Variants in LTBP1 observed in about 807,000 individuals in gnomAD.
LTBP1 encodes the protein latent transforming growth factor beta binding protein 1.
Under a neutral mutation model 207.6 loss-of-function variants are expected in LTBP1, and 129 were observed. The ratio of observed to expected loss-of-function variants is 0.62; its 90% confidence interval spans 0.54 to 0.72. The LOEUF is 0.72. Ranked by LOEUF, LTBP1 falls within the 30% of genes least tolerant of loss-of-function variation. LTBP1 has a pLI of 0.00. For missense variants in LTBP1, 2,281 were observed against 2,217.2 expected (o/e 1.03, Z -0.58); for synonymous variants, 963 against 833.7 (o/e 1.16, Z -2.67).
At chr2:33,389,085 A>G in intron 31 of LTBP1, 99 bp from the exon 32 acceptor site, 3 of 1,523,494 alleles carry the variant, frequency 2.0e-6, no homozygotes, top group Non-Finnish European at 2.7e-6. Flanking sequence ...CACACGTGGA[A>G]GGGTGTGCTG....
intron 3 of LTBP1, among the ~76,000 whole-genome samples, chr2:33,055,829 GA>G (rs2076968374): frequency 6.6e-6 from 1 of 152,170 alleles, no homozygotes; most frequent in African/African-American, 2.4e-5. Context: ...GCTTGAAGGG[GA>G]CATAACCCAT....
intron 24 of LTBP1, among the ~76,000 whole-genome samples, chr2:33,318,406 G>T (rs971834705): frequency 3.9e-5 from 6 of 152,012 alleles, no homozygotes; most frequent in Non-Finnish European, 7.4e-5. Context: ...CTTGTTCCAA[G>T]GGTAAAACAT....
intron 31 of LTBP1, among the ~76,000 whole-genome samples, chr2:33,375,221 C>T (rs2095122207): frequency 1.3e-5 from 2 of 152,160 alleles, no homozygotes; most frequent in African/African-American, 2.4e-5. Context: ...GAGGATTGGC[C>T]TACAGTAAAT....
chr2:33,145,588 C>G (rs1162783564), intron 5 of LTBP1, among the ~76,000 whole-genome samples: 3 of 152,186 alleles, frequency 2.0e-5, no homozygotes, highest in Non-Finnish European at 4.4e-5. Flanking sequence ...TTGTCCTTTT[C>G]TGAAGAAAGG....
intron 4 of LTBP1, among the ~76,000 whole-genome samples, chr2:33,113,054 G>A (rs536393893): frequency 2.0e-5 from 3 of 152,306 alleles, no homozygotes; most frequent in Non-Finnish European, 4.4e-5. Flanking sequence ...GTATCTTGGA[G>A]TGAAATTGAA....
chr2:33,300,514 C>T lies in LTBP1; in HGVS notation c.3299C>T (p.Ser1100Phe). ...GGGCAGTGCAAAAATACCGAGGGCT[C>T]CTTCAGGTGCACCTGTGGACAGGGG... is the stretch of plus-strand genomic sequence containing the variant. ...VNGQCKNTEG[S>F]FRCTCGQGYQ... Residue 1100 changes from serine (S) to phenylalanine (F), a missense_variant, in exon 21 of 34, where the codon TCC becomes TTC. By Grantham distance (155) the Ser-to-Phe change is radical. This residue lies in a region of LTBP1 where 1,671 missense variants were observed against 1,634.8 expected (regional missense o/e 1.02). Transcript: ENST00000404816. 5.6e-6 allele frequency: 9 copies of T among 1,613,818 alleles called. 1 individual carries two copies. In the Middle Eastern group the frequency reaches 4.9e-4, roughly 89 times the overall value.
chr2:33,300,684 A>G, intron 21 of LTBP1, 111 bp downstream of exon 21: 1 of 1,108,884 alleles, frequency 9.0e-7, no homozygotes, highest in Non-Finnish European at 1.2e-6. Context: ...AGATAATTGC[A>G]TTATAGTGCC....
At chr2:33,356,997 A>T (rs2149965062) in intron 26 of LTBP1, among the ~76,000 whole-genome samples, 1 of 152,314 alleles carries the variant, frequency 6.6e-6, no homozygotes, top group South Asian at 2.1e-4. Context: ...ACTGTTAGGA[A>T]AAGGTACAGA....
intron 4 of LTBP1, among the ~76,000 whole-genome samples, chr2:33,116,874 G>A (rs183857533): frequency 3.9e-5 from 6 of 152,030 alleles, no homozygotes; most frequent in Admixed American, 1.3e-4. Context: ...ATAAGCAACC[G>A]TAGAAGTGAA....
intron 25 of LTBP1, among the ~76,000 whole-genome samples, chr2:33,346,711 G>A (rs1553511730): frequency 6.6e-6 from 1 of 151,738 alleles, no homozygotes; most frequent in Non-Finnish European, 1.5e-5. Context: ...TGAGAGTAGA[G>A]TGTTGCGTCA....
intron 3 of LTBP1, among the ~76,000 whole-genome samples, chr2:33,070,376 T>C (rs2077728434): frequency 6.6e-6 from 1 of 152,204 alleles, no homozygotes; most frequent in African/African-American, 2.4e-5. Flanking sequence ...CCGTCTGGGA[T>C]GGCGAAACCT....
intron 15 of LTBP1, among the ~76,000 whole-genome samples, chr2:33,268,640 T>TG (rs2093244145): frequency 6.6e-6 from 1 of 152,242 alleles, no homozygotes; most frequent in Admixed American, 6.5e-5. Flanking sequence ...TTTAGCATAG[T>TG]GTCTTAATAG....
chr2:33,193,062 A>T (rs1269221338), intron 7 of LTBP1, among the ~76,000 whole-genome samples: 1 of 152,214 alleles, frequency 6.6e-6, no homozygotes, highest in African/African-American at 2.4e-5. Context: ...AGGAAATGTC[A>T]TTAGATGATA....
At chr2:33,343,002 C>T (rs377336097) in intron 25 of LTBP1, 39 bp downstream of exon 25, 22 of 1,585,270 alleles carry the variant, frequency 1.4e-5, no homozygotes, top group Middle Eastern at 1.7e-4. Flanking sequence ...TTTCACATGT[C>T]CCTAGGGAAA....
At chr2:32,965,018 G>A (rs1025974715) in intron 2 of LTBP1, among the ~76,000 whole-genome samples, 3 of 151,990 alleles carry the variant, frequency 2.0e-5, no homozygotes, top group Admixed American at 6.6e-5. Flanking sequence ...CCAGCCTGGC[G>A]ACAGAGCAAG....
chr2:33,115,399 T>C (rs189137921), intron 4 of LTBP1, among the ~76,000 whole-genome samples: 29 of 152,276 alleles, frequency 1.9e-4, no homozygotes, highest in Admixed American at 1.8e-3. Context: ...TTTGGGGTGA[T>C]GAAAATGTTC....
chr2:33,206,928 C>T lies in LTBP1; in HGVS notation c.1702-10624C>T, dbSNP rs138191088. ...AAAATAAATTCGATCTACTCACCAT[C>T]TAGTACTAGGATTTATCACATGATT... On this transcript the variant is annotated intron_variant, in intron 7 of 33. Coordinates refer to ENST00000404816, the MANE Select transcript of LTBP1 (RefSeq NM_206943.4). Among the ~76,000 whole-genome samples the T allele has an allele frequency of 2.1e-3, 323 of 152,210 alleles. 3 individuals are homozygous for T. Among genetic ancestry groups the T allele is most frequent in the African/African-American group, 7.2e-3 (300 of 41,536 alleles).
intron 10 of LTBP1, among the ~76,000 whole-genome samples, chr2:33,251,544 A>G (rs548217791): frequency 6.6e-6 from 1 of 152,066 alleles, no homozygotes; most frequent in East Asian, 1.9e-4. Context: ...GGGTGCCTGT[A>G]GTCCCACCTA....
intron 26 of LTBP1, among the ~76,000 whole-genome samples, chr2:33,349,406 C>T (rs2094749138): frequency 6.6e-6 from 1 of 151,682 alleles, no homozygotes; most frequent in East Asian, 1.9e-4. Context: ...CACCACTGCA[C>T]TCCAGCCTGA....
Sources: gnomAD v4.1 joint callset for allele counts (sites outside exome capture counted in the v4.1 genomes callset) on GRCh38, gnomAD v4.1.1 for gene constraint, gnomAD v4.1.1 regional missense constraint, MANE v1.5 for transcripts, NCBI Gene and HGNC (gene_info 2026-07-23, HGNC 2026-07-21) for gene names.